FAIM: variants seen among roughly 807,000 people sequenced by gnomAD.
The protein encoded by FAIM is fas apoptotic inhibitory molecule 1.
Under a neutral mutation model 21.2 loss-of-function variants are expected in FAIM, and 14 were observed. The observed-to-expected ratio is 0.66, with a 90% CI of 0.44 to 1.03. The LOEUF (loss-of-function observed/expected upper bound fraction) is 1.03. Among genes scored for constraint, FAIM ranks in the 50% least tolerant of loss-of-function variants. The probability of loss-of-function intolerance (pLI) is 0.00; values close to 1 mark genes in which losing one functional copy is unlikely to be tolerated. For missense variants in FAIM, 222 were observed against 247.1 expected (o/e 0.90, Z 0.68); for synonymous variants, 86 against 80.4 (o/e 1.07, Z -0.37).
At position 138,629,179 on chromosome 3, in the gene FAIM, C is replaced by G. The variant is rs1394028983; in HGVS notation, c.456+23C>G. On this transcript the variant is annotated intron_variant, in intron 5 of 5. Transcript: ENST00000360570. ...GCGGTAAGTTGACTATTTGATGACTCTAAGTGCCATGTGTCTCAGTTACCA... is the reference window on the plus strand; with the variant it reads ...GCGGTAAGTTGACTATTTGATGACTGTAAGTGCCATGTGTCTCAGTTACCA... 2.5e-6 allele frequency: 4 copies of G among 1,586,066 alleles called. 1 individual carries two copies. The highest frequency in any genetic ancestry group is 2.6e-6 in the Non-Finnish European group (3 of 1,158,454).
Position 138,621,517 on chromosome 3 carries a change from G to A in FAIM, c.155G>A (p.Arg52Gln), listed in dbSNP as rs1157003266. 10 of 1,613,686 alleles carry A rather than the reference G, an allele frequency of 6.2e-6. No homozygotes were observed. The highest frequency in any genetic ancestry group is 5.0e-5 in the Admixed American group (3 of 59,964). ...EFEHGTTSGK[R>Q]VVYVDGKEEI... The stretch of plus-strand genomic sequence containing the variant: ...GAACATGGGACTACATCAGGCAAAC[G>A]AGTAGTATATGTAGATGGAAAGGTA... The change falls in exon 3 of 6, where the codon CGA becomes CAA. Residue 52 changes from arginine (R) to glutamine (Q), a missense_variant. Physicochemically the swap from Arg to Gln is conservative, Grantham distance 43. Transcript: ENST00000360570.
intron 5 of FAIM, among the ~76,000 whole-genome samples, chr3:138,632,673 CAT>C (rs1302527574): frequency 1.3e-5 from 2 of 152,064 alleles, no homozygotes; most frequent in Non-Finnish European, 2.9e-5. Flanking sequence ...AACATAGACA[CAT>C]AGTCATGAGG....
intron 1 of FAIM, among the ~76,000 whole-genome samples, chr3:138,611,930 T>G (rs2042773444): frequency 6.6e-6 from 1 of 152,184 alleles, no homozygotes. Flanking sequence ...TTATAAATTA[T>G]GCAACCTCGG....
chr3:138,614,134 T>C (rs2042800732), intron 1 of FAIM, among the ~76,000 whole-genome samples: 1 of 152,212 alleles, frequency 6.6e-6, no homozygotes, highest in South Asian at 2.1e-4. Flanking sequence ...CTCAAATTCT[T>C]TAAGGACAGA....
At chr3:138,632,538 TC>T (rs141262879) in intron 5 of FAIM, among the ~76,000 whole-genome samples, 1 of 152,114 alleles carries the variant, frequency 6.6e-6, no homozygotes, top group East Asian at 1.9e-4. Flanking sequence ...GAACACTCCA[TC>T]CCTGGCTGGA....
intron 1 of FAIM, among the ~76,000 whole-genome samples, chr3:138,619,344 T>C (rs2042860398): frequency 6.6e-6 from 1 of 152,246 alleles, no homozygotes; most frequent in African/African-American, 2.4e-5. Flanking sequence ...TGGGGCTTCT[T>C]ACGCTTCAAC....
chr3:138,621,114 C>A (rs1360719300), intron 2 of FAIM: 2 of 314,210 alleles, frequency 6.4e-6, no homozygotes, highest in Non-Finnish European at 1.2e-5. Context: ...GTAGCCTAAC[C>A]TAGAATACTG....
In FAIM at chr3:138,610,917, C is replaced by T. The variant is rs764719389; in HGVS notation, c.-17+1980C>T. ...CAAAGTTTTAAACCAAAGCCTTCTT[C>T]GGCAGAGCTACGACCCTTCCTCTAT... On this transcript the variant is annotated intron_variant, in intron 1 of 5. Transcript: ENST00000360570. The T allele has an allele frequency of 1.7e-5, 26 of 1,559,584 alleles. No individual in the cohort carries two copies. The Admixed American group carries it at 3.5e-4, about 21-fold the overall frequency.
chr3:138,628,557 T>C (rs1342081231), intron 4 of FAIM, among the ~76,000 whole-genome samples: 2 of 152,040 alleles, frequency 1.3e-5, no homozygotes, highest in Non-Finnish European at 2.9e-5. Flanking sequence ...CGGTCTCGGC[T>C]CACTGCAAGC....
rs914369467 is a variant in FAIM, at chr3:138,621,474, G to T, written c.112G>T (p.Val38Phe). Residue 38 changes from valine to phenylalanine, a missense_variant, in exon 3 of 6, where the codon GTC (valine) becomes TTC (phenylalanine). Coordinates refer to ENST00000360570, the MANE Select transcript of FAIM (RefSeq NM_001033031.2). ...TTGGGATGTTGCTTTAAGTGACGGA[G>T]TCCACAAGATCGAATTTGAACATGG... ...AVWDVALSDG[V>F]HKIEFEHGTT... is the part of the protein sequence containing the mutation. 6.2e-6 allele frequency: 10 copies of T among 1,613,942 alleles called. No homozygotes were observed. Among genetic ancestry groups the T allele is most frequent in the Non-Finnish European group, 8.5e-6 (10 of 1,179,958 alleles).
intron 5 of FAIM, among the ~76,000 whole-genome samples, chr3:138,632,525 T>G (rs1267664378): frequency 6.6e-6 from 1 of 152,146 alleles, no homozygotes; most frequent in Admixed American, 6.5e-5. Context: ...TCAGAGTGGC[T>G]AAGAACACTC....
intron 1 of FAIM, among the ~76,000 whole-genome samples, chr3:138,616,559 C>G (rs539357862): frequency 1.3e-5 from 2 of 152,122 alleles, no homozygotes; most frequent in South Asian, 2.1e-4. Flanking sequence ...TGGTGTTACT[C>G]TGTTGACCAG....
At chr3:138,617,421 A>G (rs1391048182) in intron 1 of FAIM, among the ~76,000 whole-genome samples, 1 of 147,182 alleles carries the variant, frequency 6.8e-6, no homozygotes, top group African/African-American at 2.5e-5. Context: ...TGTATATATA[A>G]TAAATATAAT....
At chr3:138,631,063 G>A (rs948535945) in intron 5 of FAIM, 7 of 151,902 alleles carry the variant, frequency 4.6e-5, no homozygotes, top group Admixed American at 3.3e-4. Context: ...CCTGAGCCCA[G>A]GGAGATTGAG....
At chr3:138,631,921 C>G (rs2043009488) in intron 5 of FAIM, among the ~76,000 whole-genome samples, 1 of 152,122 alleles carries the variant, frequency 6.6e-6, no homozygotes, top group African/African-American at 2.4e-5. Context: ...CCTGAGGCAT[C>G]CTGTGCCTTC....
chr3:138,626,014 A>C (rs908957254), intron 4 of FAIM, among the ~76,000 whole-genome samples: 2 of 152,238 alleles, frequency 1.3e-5, no homozygotes, highest in African/African-American at 4.8e-5. Context: ...AGGAAAGTAC[A>C]TATGAAACTT....
At chr3:138,615,215 G>T (rs191162003) in intron 1 of FAIM, among the ~76,000 whole-genome samples, 1 of 152,302 alleles carries the variant, frequency 6.6e-6, no homozygotes, top group East Asian at 1.9e-4. Flanking sequence ...GTGAATGGTT[G>T]TATGGGTACT....
chr3:138,621,935 A>G (rs1281040828), intron 3 of FAIM, among the ~76,000 whole-genome samples: 1 of 152,092 alleles, frequency 6.6e-6, no homozygotes, highest in Non-Finnish European at 1.5e-5. Flanking sequence ...GGCACCTGCC[A>G]TTACGCCCTG....
chr3:138,631,269 T>C (rs2043002359), intron 5 of FAIM: 1 of 151,436 alleles, frequency 6.6e-6, no homozygotes, highest in African/African-American at 2.4e-5. Flanking sequence ...TTTTTTAAGT[T>C]AGCTGTGTAT....
Sources: gnomAD v4.1 joint callset for allele counts (sites outside exome capture counted in the v4.1 genomes callset) on GRCh38, gnomAD v4.1.1 for gene constraint, MANE v1.5 for transcripts, NCBI Gene and HGNC (gene_info 2026-07-23, HGNC 2026-07-21) for gene names.